Variants in PTPRD observed in about 807,000 individuals in gnomAD.
PTPRD encodes the protein receptor-type tyrosine-protein phosphatase delta.
A neutral mutation model predicts 214.5 loss-of-function variants in PTPRD; 34 were observed. The ratio of observed to expected loss-of-function variants is 0.16; its 90% CI spans 0.12 to 0.21. PTPRD has a LOEUF of 0.21. Ranked by LOEUF, PTPRD falls within the 10% of genes least tolerant of loss-of-function variation. The probability of loss-of-function intolerance (pLI) is 1.00; values close to 1 mark genes in which losing one functional copy is unlikely to be tolerated. For missense variants in PTPRD, 2,545 were observed against 2,398.7 expected (o/e 1.06, Z -1.27); for synonymous variants, 1,128 against 845.7 (o/e 1.33, Z -5.79).
chr9:8,330,217 C>CCAGTCCCAATGAGATGAAATGGGAAA (rs1838666184), intron 44 of PTPRD, among the ~76,000 whole-genome samples: 3 of 152,126 alleles, frequency 2.0e-5, no homozygotes, highest in Non-Finnish European at 4.4e-5. Context: ...CACTGTCCAA[C>CCAGTCCCAATGAGATGAAATGGGAAA]CAGTCCCAAT....
chr9:9,391,592 G>T (rs926695357), intron 9 of PTPRD, among the ~76,000 whole-genome samples: 1 of 152,120 alleles, frequency 6.6e-6, no homozygotes, highest in African/African-American at 2.4e-5. Context: ...TCTGAATTCT[G>T]TACATGTGAG....
intron 3 of PTPRD, among the ~76,000 whole-genome samples, chr9:10,113,057 T>G (rs1338141770): frequency 6.6e-6 from 1 of 152,216 alleles, no homozygotes; most frequent in Non-Finnish European, 1.5e-5. Context: ...AGACTCTTTC[T>G]GTGTCACACT....
intron 7 of PTPRD, among the ~76,000 whole-genome samples, chr9:9,721,803 G>A (rs1405833449): frequency 2.0e-5 from 3 of 152,010 alleles, no homozygotes; most frequent in Non-Finnish European, 4.4e-5. Context: ...AATCACATTA[G>A]TAATAAAAAT....
intron 2 of PTPRD, among the ~76,000 whole-genome samples, chr9:10,430,505 T>A (rs1486684180): frequency 6.6e-6 from 1 of 151,790 alleles, no homozygotes; most frequent in East Asian, 1.9e-4. Flanking sequence ...ATTTAGAAAA[T>A]ATTTTCACTC....
chr9:8,344,309 T>C (rs1173358117), intron 39 of PTPRD, among the ~76,000 whole-genome samples: 2 of 152,060 alleles, frequency 1.3e-5, no homozygotes, highest in Middle Eastern at 3.2e-3. Context: ...GGCAGGACTA[T>C]TTTCTCAAAA....
At chr9:8,769,602 C>T (rs1427558256) in intron 11 of PTPRD, among the ~76,000 whole-genome samples, 1 of 152,034 alleles carries the variant, frequency 6.6e-6, no homozygotes, top group African/African-American at 2.4e-5. Flanking sequence ...ATCTGAATAC[C>T]AATTGCAAAG....
chr9:9,469,530 C>T (rs1196947345), intron 8 of PTPRD, among the ~76,000 whole-genome samples: 1 of 152,092 alleles, frequency 6.6e-6, no homozygotes, highest in East Asian at 1.9e-4. Context: ...AACAATACTT[C>T]CTATTTCAAA....
intron 5 of PTPRD, among the ~76,000 whole-genome samples, chr9:9,786,764 A>C (rs1392911122): frequency 2.0e-5 from 3 of 152,076 alleles, no homozygotes; most frequent in African/African-American, 7.2e-5. Flanking sequence ...CTAGAACTTA[A>C]AGTATAATAA....
intron 5 of PTPRD, among the ~76,000 whole-genome samples, chr9:9,790,961 C>A (rs2098962830): frequency 6.6e-6 from 1 of 152,090 alleles, no homozygotes; most frequent in Non-Finnish European, 1.5e-5. Context: ...TCTTGGAAGA[C>A]AGATGGTTCA....
chr9:8,710,775 T>G (rs1032203935), intron 12 of PTPRD, among the ~76,000 whole-genome samples: 1 of 152,184 alleles, frequency 6.6e-6, no homozygotes, highest in Admixed American at 6.5e-5. Context: ...TAGATAAGTC[T>G]TATTAAAAAG....
intron 8 of PTPRD, among the ~76,000 whole-genome samples, chr9:9,487,148 G>A (rs1407315863): frequency 1.3e-5 from 2 of 152,012 alleles, no homozygotes; most frequent in African/African-American, 4.8e-5. Context: ...CCATGTTGGT[G>A]TGCTGCACCC....
intron 11 of PTPRD, among the ~76,000 whole-genome samples, chr9:8,783,759 C>G (rs898527118): frequency 2.6e-5 from 4 of 152,114 alleles, no homozygotes; most frequent in Non-Finnish European, 5.9e-5. Flanking sequence ...ATTCTACTGT[C>G]ATAGGATTTT....
chr9:10,373,683 CTCTT>C (rs1450369932), intron 2 of PTPRD, among the ~76,000 whole-genome samples: 4 of 152,014 alleles, frequency 2.6e-5, no homozygotes, highest in African/African-American at 9.7e-5. Context: ...TCTTTTTTCA[CTCTT>C]TCTCTTTCCA....
At chr9:9,255,679 T>C (rs1013831940) in intron 9 of PTPRD, among the ~76,000 whole-genome samples, 1 of 152,008 alleles carries the variant, frequency 6.6e-6, no homozygotes, top group South Asian at 2.1e-4. Context: ...TACTACAAAA[T>C]ACTGCAAAAA....
intron 7 of PTPRD, among the ~76,000 whole-genome samples, chr9:9,662,923 C>G (rs10816159): frequency 0.41 from 62,366 of 151,190 alleles, 13,119 homozygotes; most frequent in Admixed American, 0.53. Context: ...CAGTTCTTAA[C>G]AATTTATGAA....
chr9:8,519,456 G>C lies in PTPRD; in HGVS notation c.962-1027C>G, dbSNP rs188275520. Among the ~76,000 whole-genome samples the C allele has an allele frequency of 2.0e-5, 3 of 152,286 alleles. No individual in the cohort carries two copies. The East Asian group carries it at 5.8e-4, about 29-fold the overall frequency. On this transcript the variant is annotated intron_variant, in intron 20 of 45. Transcript: ENST00000381196. ...TAGGGTAGGAAGGGGCATTCTAATA[G>C]TTGACTCTTTAGAGAAATCTCAAAG... is the stretch of plus-strand genomic sequence containing the variant.
intron 10 of PTPRD, among the ~76,000 whole-genome samples, chr9:9,167,612 G>A (rs974396690): frequency 2.6e-5 from 4 of 151,746 alleles, no homozygotes; most frequent in Middle Eastern, 3.4e-3. Context: ...AAAATTAGCC[G>A]GGTATGGTGG....
intron 11 of PTPRD, among the ~76,000 whole-genome samples, chr9:8,956,456 TTTC>T (rs1369500781): frequency 6.6e-6 from 1 of 151,960 alleles, no homozygotes; most frequent in Admixed American, 6.6e-5. Flanking sequence ...TCTTTCTTTC[TTTC>T]TTTTTTTTGT....
intron 3 of PTPRD, among the ~76,000 whole-genome samples, chr9:10,202,622 G>T (rs1436535982): frequency 2.1e-5 from 3 of 145,578 alleles, no homozygotes; most frequent in Non-Finnish European, 3.0e-5. Flanking sequence ...GACTTGAGGG[G>T]TGCTTCAAAT....
Sources: gnomAD v4.1 joint callset for allele counts (sites outside exome capture counted in the v4.1 genomes callset) on GRCh38, gnomAD v4.1.1 for gene constraint, MANE v1.5 for transcripts, NCBI Gene and HGNC (gene_info 2026-07-23, HGNC 2026-07-21) for gene names.